The following NCOA3 variants were observed in gnomAD, a reference collection of about 807,000 sequenced individuals.
NCOA3 encodes the protein nuclear receptor coactivator 3.
Under a neutral mutation model 158.8 loss-of-function variants are expected in NCOA3, and 51 were observed. That is an observed-to-expected ratio of 0.32 (90% CI 0.26 to 0.41). The LOEUF is 0.41. Among genes scored for constraint, NCOA3 ranks in the 10% least tolerant of loss-of-function variants. NCOA3 has a pLI of 1.00. For missense variants in NCOA3, 1,510 were observed against 1,746.6 expected, an observed-to-expected ratio of 0.86 and a Z score of 2.41; for synonymous variants, 537 against 592.4, an observed-to-expected ratio of 0.91 and a Z score of 1.36.
In NCOA3 at chr20:47,649,053, A is replaced by G. The variant is rs551807396; in HGVS notation, c.3595A>G (p.Thr1199Ala). 33 of 1,614,004 alleles carry G rather than the reference A, an allele frequency of 2.0e-5. No homozygotes were observed. The African/African-American group carries it at 3.7e-4, about 18-fold the overall frequency. Residue 1199 changes from threonine to alanine, a missense_variant, in exon 19 of 23, where the codon ACT becomes GCT. By Grantham distance (58) the Thr-to-Ala change is moderately conservative (BLOSUM62 0). This residue lies in a region of NCOA3 where 1,017 missense variants were observed against 1,098.3 expected (regional missense o/e 0.93). Coordinates refer to ENST00000371998, the MANE Select transcript of NCOA3 (RefSeq NM_181659.3). ...ACTTGAATTGAAAATGGAAAACCCTACTGCTGGTGGTGCTGCGGTGATGAG... is the reference window on the plus strand; with the variant it reads ...ACTTGAATTGAAAATGGAAAACCCTGCTGCTGGTGGTGCTGCGGTGATGAG... ...QALELKMENP[T>A]AGGAAVMRPM... is the part of the protein sequence containing the mutation.
At chr20:47,633,699 C>T (rs901075819) in intron 9 of NCOA3, 63 bp downstream of exon 9, 27 of 1,536,524 alleles carry the variant, frequency 1.8e-5, no homozygotes, top group Non-Finnish European at 2.4e-5. Flanking sequence ...GCCTTGCTAT[C>T]TTGCCCAGGC....
rs188034238 is a variant in NCOA3, at chr20:47,505,068, T to C, written c.-99+3049T>C. On this transcript the variant is annotated intron_variant, in intron 1 of 22. Transcript: ENST00000371998. ...TTTTTTTTTTTTCTTTTCTTTCTTT[T>C]TTTTTTTTTTTGAGAAGGAAATTTG... Among the ~76,000 whole-genome samples, 885 of 130,542 alleles carry C rather than the reference T, an allele frequency of 6.8e-3. 30 individuals carry two copies. Among genetic ancestry groups the C allele is most frequent in the African/African-American group, 0.024 (844 of 34,732 alleles). 85.6% of individuals were successfully genotyped at this position (130,542 alleles called of 152,430 possible). A position where few individuals can be genotyped will look rare whatever the true frequency, so the allele number is the denominator to read the frequency against.
chr20:47,557,236 CA>C (rs1392091013), intron 1 of NCOA3, among the ~76,000 whole-genome samples: 1 of 147,658 alleles, frequency 6.8e-6, no homozygotes, highest in Non-Finnish European at 1.5e-5. Flanking sequence ...TAATAGCTTA[CA>C]GTCCTGTCAA....
chr20:47,635,845 G>A (rs2086503942), intron 11 of NCOA3, 46 bp from the exon 12 acceptor site: 13 of 1,538,160 alleles, frequency 8.5e-6, no homozygotes, highest in Non-Finnish European at 1.0e-5. Context: ...TTTTGTTACA[G>A]TGTCTGGTAG....
intron 1 of NCOA3, among the ~76,000 whole-genome samples, chr20:47,522,405 C>T (rs1568651479): frequency 1.4e-5 from 2 of 139,564 alleles, no homozygotes; most frequent in African/African-American, 6.0e-5. Flanking sequence ...AGCGCCCGGC[C>T]CTTTTTTTTT....
At chr20:47,553,372 C>G (rs1026907856) in intron 1 of NCOA3, among the ~76,000 whole-genome samples, 1 of 151,974 alleles carries the variant, frequency 6.6e-6, no homozygotes, top group African/African-American at 2.4e-5. Flanking sequence ...GATCAAGATA[C>G]TTTTACACTC....
At chr20:47,504,478 CTTTTTTTTTTTTTTT>C (rs58220390) in intron 1 of NCOA3, among the ~76,000 whole-genome samples, 1 of 98,666 alleles carries the variant, frequency 1.0e-5, no homozygotes, top group Non-Finnish European at 2.0e-5. Flanking sequence ...CTAAGTGTGT[CTTTTTTTTTTTTTTT>C]TTTTTTTTTT....
At chr20:47,502,800 A>C (rs1391973093) in intron 1 of NCOA3, among the ~76,000 whole-genome samples, 2 of 151,614 alleles carry the variant, frequency 1.3e-5, no homozygotes, top group Non-Finnish European at 2.9e-5. Flanking sequence ...CTGCCTTAAC[A>C]AAACTAGCCA....
At chr20:47,625,022 C>T (rs1043107847) in intron 4 of NCOA3, among the ~76,000 whole-genome samples, 7 of 152,206 alleles carry the variant, frequency 4.6e-5, no homozygotes, top group Non-Finnish European at 8.8e-5. Flanking sequence ...ATCCACCCGC[C>T]TCAGCCTCCC....
At position 47,651,071 on chromosome 20, in the gene NCOA3, GCAGCAGCAGCAGCAGCAGCAA is replaced by G. The variant is rs752405608; in HGVS notation, c.3762_3782del (p.Gln1270_Gln1276del). ...GACAACAGAGGGTGGCTATGATGATGCAGCAGCAGCAGCAGCAGCAACAGCAGCAGCAGCAGCAGCAGCAGC... is the reference window on the plus strand; with the variant it reads ...GACAACAGAGGGTGGCTATGATGATGCAGCAGCAGCAGCAGCAGCAGCAGC... On this transcript the variant is annotated inframe_deletion, in exon 20 of 23. Transcript: ENST00000371998. 392 of 1,253,388 alleles carry G rather than the reference GCAGCAGCAGCAGCAGCAGCAA, an allele frequency of 3.1e-4. 1 individual carries two copies. Among genetic ancestry groups the G allele is most frequent in the East Asian group, 1.5e-4 (6 of 39,752 alleles). The allele number at this position is 1,253,388 out of a possible 1,614,324, so 77.6% of individuals were successfully genotyped here. A position where few individuals can be genotyped will look rare whatever the true frequency, so the allele number is the denominator to read the frequency against.
chr20:47,505,800 C>CTTTTT (rs11434305), intron 1 of NCOA3, among the ~76,000 whole-genome samples: 1 of 119,132 alleles, frequency 8.4e-6, no homozygotes, highest in Admixed American at 9.5e-5. Context: ...GCATTTTCTC[C>CTTTTT]TTTTTTTTTT....
chr20:47,606,565 A>G (rs768132378), intron 2 of NCOA3, among the ~76,000 whole-genome samples: 2 of 152,140 alleles, frequency 1.3e-5, no homozygotes, highest in Non-Finnish European at 2.9e-5. Context: ...TTTTTCCTTA[A>G]GTACCTTTCA....
intron 1 of NCOA3, among the ~76,000 whole-genome samples, chr20:47,541,597 G>T (rs1229510798): frequency 6.7e-6 from 1 of 149,770 alleles, no homozygotes; most frequent in Non-Finnish European, 1.5e-5. Flanking sequence ...TGCTCAGGCT[G>T]GTCTCGAACT....
intron 1 of NCOA3, among the ~76,000 whole-genome samples, chr20:47,525,572 C>T (rs1167084002): frequency 7.4e-6 from 1 of 134,922 alleles, no homozygotes; most frequent in Non-Finnish European, 1.6e-5. Flanking sequence ...GCTGACCCCC[C>T]CCACCTCCCT....
At position 47,541,152 on chromosome 20, in the gene NCOA3, C is replaced by A. The variant is rs554303875; in HGVS notation, c.-99+39133C>A. Among the ~76,000 whole-genome samples the A allele has an allele frequency of 1.2e-3, 178 of 151,968 alleles. 1 individual carries two copies. The highest frequency in any genetic ancestry group is 6.8e-3 in the Middle Eastern group (2 of 294). On this transcript the variant is annotated intron_variant, in intron 1 of 22. Transcript: ENST00000371998. The stretch of plus-strand genomic sequence containing the variant: ...ATCTTTGGGTGAAAAAAAAGAGGAA[C>A]TCCCTGTCCCTAAATTCCTTCAATG...
chr20:47,639,587 C>T lies in NCOA3; in HGVS notation c.2718C>T (p.Asn906=). 1 of 1,613,390 alleles carries T rather than the reference C, an allele frequency of 6.2e-7. No individual in the cohort carries two copies. The highest frequency in any genetic ancestry group is 1.3e-5 in the African/African-American group (1 of 75,006). Residue 906 remains asparagine (N), a synonymous_variant, in exon 15 of 23, where the codon AAC becomes AAT. Coordinates refer to ENST00000371998, the MANE Select transcript of NCOA3 (RefSeq NM_181659.3). ...ENYGSSMGGP[N]RNVTVTQTPS... Reference sequence around the variant, plus strand: ...GGCTACCTGTTTTAGGTGGGCCAAACCGAAATGTGACTGTGACTCAGACTC... The same window carrying T: ...GGCTACCTGTTTTAGGTGGGCCAAATCGAAATGTGACTGTGACTCAGACTC...
chr20:47,576,505 A>G (rs189155901), intron 1 of NCOA3, among the ~76,000 whole-genome samples: 1 of 152,212 alleles, frequency 6.6e-6, no homozygotes, highest in African/African-American at 2.4e-5. Flanking sequence ...AAGAAAGAAG[A>G]TAATTACTCG....
chr20:47,502,392 G>C (rs2083948457), intron 1 of NCOA3, among the ~76,000 whole-genome samples: 1 of 152,192 alleles, frequency 6.6e-6, no homozygotes, highest in Non-Finnish European at 1.5e-5. Flanking sequence ...CCTTTTGAAA[G>C]CTCCCCGCGT....
At chr20:47,529,673 A>C (rs2084514724) in intron 1 of NCOA3, among the ~76,000 whole-genome samples, 1 of 152,192 alleles carries the variant, frequency 6.6e-6, no homozygotes, top group Non-Finnish European at 1.5e-5. Flanking sequence ...AACCTCTCAA[A>C]GTGTTGTGAT....
Sources: gnomAD v4.1 joint callset for allele counts (sites outside exome capture counted in the v4.1 genomes callset) on GRCh38, gnomAD v4.1.1 for gene constraint, gnomAD v4.1.1 regional missense constraint, MANE v1.5 for transcripts, NCBI Gene and HGNC (gene_info 2026-07-23, HGNC 2026-07-21) for gene names.